Variants in CSMD1 observed in about 807,000 individuals in gnomAD.
CSMD1 encodes the protein CUB and sushi domain-containing protein 1.
CSMD1 carries 213 observed loss-of-function variants against 417.5 expected under a neutral mutation model. The observed-to-expected ratio is 0.51, with a 90% confidence interval of 0.46 to 0.57. CSMD1 has a LOEUF of 0.57. CSMD1 is among the 20% of genes least tolerant of loss of function. The pLI is 0.00. For synonymous variants in CSMD1, 2,862 were observed against 1,736.8 expected (o/e 1.65, Z -16.11); for missense variants, 6,923 against 4,529.7 (o/e 1.53, Z -15.17).
chr8:4,963,153 G>A (rs375211547), intron 1 of CSMD1, among the ~76,000 whole-genome samples: 6 of 152,200 alleles, frequency 3.9e-5, no homozygotes, highest in African/African-American at 1.2e-4. Context: ...ATTGCCCTCT[G>A]TAAGCTTTGG....
chr8:4,669,979 A>C (rs1474481221), intron 1 of CSMD1, among the ~76,000 whole-genome samples: 1 of 152,166 alleles, frequency 6.6e-6, no homozygotes, highest in Non-Finnish European at 1.5e-5. Flanking sequence ...TGCTGAGCTG[A>C]AGATCTATTA....
chr8:4,939,082 C>A (rs59235315), intron 1 of CSMD1, among the ~76,000 whole-genome samples: 57 of 152,314 alleles, frequency 3.7e-4, no homozygotes, highest in African/African-American at 1.3e-3. Flanking sequence ...ATTCTCCCCC[C>A]TCTGCGGGTT....
At chr8:3,397,408 G>A (rs1022128222) in intron 16 of CSMD1, among the ~76,000 whole-genome samples, 1 of 152,190 alleles carries the variant, frequency 6.6e-6, no homozygotes, top group African/African-American at 2.4e-5. Context: ...GTATACATTA[G>A]ATCATGGATA....
At chr8:4,796,638 G>T (rs1409049087) in intron 1 of CSMD1, among the ~76,000 whole-genome samples, 1 of 152,102 alleles carries the variant, frequency 6.6e-6, no homozygotes, top group African/African-American at 2.4e-5. Flanking sequence ...GCATACCCAT[G>T]GGGAAAAACA....
At chr8:4,473,959 G>A (rs148934898) in intron 2 of CSMD1, among the ~76,000 whole-genome samples, 2 of 152,162 alleles carry the variant, frequency 1.3e-5, no homozygotes, top group East Asian at 3.9e-4. Context: ...ACTGGGGGGA[G>A]GATTTAGGTA....
chr8:3,807,318 G>A (rs532449675), intron 5 of CSMD1, among the ~76,000 whole-genome samples: 1 of 152,100 alleles, frequency 6.6e-6, no homozygotes, highest in Non-Finnish European at 1.5e-5. Flanking sequence ...ACAGTATCTG[G>A]TTTTGTACTT....
intron 2 of CSMD1, among the ~76,000 whole-genome samples, chr8:4,578,585 G>A (rs145666485): frequency 1.7e-4 from 26 of 151,294 alleles, no homozygotes; most frequent in African/African-American, 6.3e-4. Context: ...GGGAGGCCAA[G>A]GTGGGCGGTT....
intron 12 of CSMD1, among the ~76,000 whole-genome samples, chr8:3,445,784 C>T (rs1815265557): frequency 6.6e-6 from 1 of 152,134 alleles, no homozygotes; most frequent in African/African-American, 2.4e-5. Context: ...GAGGATAAAA[C>T]TTTGAGAAAA....
At chr8:4,188,277 A>G (rs550500491) in intron 3 of CSMD1, among the ~76,000 whole-genome samples, 1 of 152,272 alleles carries the variant, frequency 6.6e-6, no homozygotes, top group African/African-American at 2.4e-5. Context: ...CTTGCCCTAG[A>G]CGTCGGTCAA....
chr8:4,075,382 A>C (rs1275516797), intron 3 of CSMD1, among the ~76,000 whole-genome samples: 1 of 152,152 alleles, frequency 6.6e-6, no homozygotes, highest in Admixed American at 6.5e-5. Flanking sequence ...GATGCTAAAG[A>C]ACAGAAAAAA....
intron 3 of CSMD1, among the ~76,000 whole-genome samples, chr8:4,052,937 T>C (rs972556645): frequency 1.1e-4 from 17 of 152,194 alleles, no homozygotes; most frequent in Admixed American, 3.3e-4. Context: ...AAGTGGCTAA[T>C]GAGGGTCTGA....
At chr8:4,081,132 T>C (rs900911630) in intron 3 of CSMD1, among the ~76,000 whole-genome samples, 1 of 152,170 alleles carries the variant, frequency 6.6e-6, no homozygotes, top group Non-Finnish European at 1.5e-5. Flanking sequence ...TCTGCTGAAC[T>C]CTTGATCTTA....
At chr8:3,064,635 G>C (rs897454750) in intron 49 of CSMD1, among the ~76,000 whole-genome samples, 1 of 152,184 alleles carries the variant, frequency 6.6e-6, no homozygotes, top group African/African-American at 2.4e-5. Flanking sequence ...AACGTGGAAG[G>C]TTGATAAGAA....
intron 2 of CSMD1, among the ~76,000 whole-genome samples, chr8:4,437,500 C>G (rs1406658917): frequency 6.6e-6 from 1 of 152,114 alleles, no homozygotes; most frequent in Non-Finnish European, 1.5e-5. Flanking sequence ...ATTTTTATAA[C>G]ATAGCCGCGT....
chr8:4,130,454 C>T (rs772405006), intron 3 of CSMD1, among the ~76,000 whole-genome samples: 1 of 152,134 alleles, frequency 6.6e-6, no homozygotes, highest in Non-Finnish European at 1.5e-5. Flanking sequence ...ATTTCTGGTT[C>T]TGCCAATTGC....
At chr8:4,065,617 A>T (rs1799204941) in intron 3 of CSMD1, among the ~76,000 whole-genome samples, 1 of 152,186 alleles carries the variant, frequency 6.6e-6, no homozygotes, top group Non-Finnish European at 1.5e-5. Flanking sequence ...GAGACTCATG[A>T]ATGAAGCTCA....
At chr8:3,430,670 G>C (rs1478259479) in intron 12 of CSMD1, among the ~76,000 whole-genome samples, 4 of 152,098 alleles carry the variant, frequency 2.6e-5, no homozygotes, top group Admixed American at 6.5e-5. Context: ...AGCCAGGTGT[G>C]ATGGCAGGTG....
intron 5 of CSMD1, among the ~76,000 whole-genome samples, chr8:3,755,683 C>A (rs113213669): frequency 1.1e-4 from 16 of 152,234 alleles, no homozygotes; most frequent in African/African-American, 3.1e-4. Flanking sequence ...CATAGTCAAG[C>A]TTTCTGATGT....
intron 12 of CSMD1, among the ~76,000 whole-genome samples, chr8:3,464,170 G>A (rs1816672465): frequency 1.3e-5 from 2 of 152,238 alleles, no homozygotes; most frequent in South Asian, 2.1e-4. Context: ...GATTTCTGGA[G>A]ATGCAGTTCA....
Sources: allele counts gnomAD v4.1 joint callset (sites outside exome capture counted in the v4.1 genomes callset), GRCh38; gene constraint gnomAD v4.1.1; transcripts MANE v1.5; gene names NCBI Gene and HGNC (gene_info 2026-07-23, HGNC 2026-07-21).